The following FRMD4A variants were observed in gnomAD, a reference collection of about 807,000 sequenced individuals.
FRMD4A encodes FERM domain-containing protein 4A.
FRMD4A carries 29 observed loss-of-function variants against 129.1 expected under a neutral mutation model. The ratio of observed to expected loss-of-function variants is 0.22; its 90% CI spans 0.17 to 0.31. The LOEUF (loss-of-function observed/expected upper bound fraction) is 0.31. Among genes scored for constraint, FRMD4A ranks in the 10% least tolerant of loss-of-function variants. The pLI is 1.00. For synonymous variants in FRMD4A, 634 were observed against 571.6 expected, an observed-to-expected ratio of 1.11 and a Z score of -1.56; for missense variants, 1,272 against 1,375.8, an observed-to-expected ratio of 0.92 and a Z score of 1.19.
intron 2 of FRMD4A, among the ~76,000 whole-genome samples, chr10:14,322,169 G>C (rs1843085117): frequency 6.6e-6 from 1 of 152,162 alleles, no homozygotes; most frequent in Admixed American, 6.5e-5. Flanking sequence ...GTATGAGAGA[G>C]TAGAGGCCTG....
intron 14 of FRMD4A, among the ~76,000 whole-genome samples, chr10:13,699,702 C>T (rs2086619169): frequency 6.6e-6 from 1 of 152,258 alleles, no homozygotes; most frequent in East Asian, 1.9e-4. Context: ...CTAACCCCCA[C>T]CATCCATCAC....
At chr10:13,984,362 T>C (rs933584077) in intron 2 of FRMD4A, among the ~76,000 whole-genome samples, 4 of 152,198 alleles carry the variant, frequency 2.6e-5, no homozygotes, top group African/African-American at 9.7e-5. Context: ...CAGTTCCAGA[T>C]ACTGACCTAT....
chr10:13,783,750 G>A (rs2092791535), intron 5 of FRMD4A, among the ~76,000 whole-genome samples: 1 of 152,182 alleles, frequency 6.6e-6, no homozygotes, highest in Non-Finnish European at 1.5e-5. Context: ...GTGGTGAAGT[G>A]TGATTTGATT....
At chr10:14,172,206 C>T (rs1448622487) in intron 2 of FRMD4A, among the ~76,000 whole-genome samples, 2 of 152,170 alleles carry the variant, frequency 1.3e-5, no homozygotes, top group African/African-American at 4.8e-5. Context: ...TAAACACATA[C>T]ACATACACAA....
intron 2 of FRMD4A, among the ~76,000 whole-genome samples, chr10:14,240,604 G>A (rs886643794): frequency 3.9e-5 from 6 of 152,146 alleles, no homozygotes; most frequent in Non-Finnish European, 7.4e-5. Context: ...AAATCCACAT[G>A]CCCATTATAA....
chr10:13,861,264 A>G (rs2094290866), intron 2 of FRMD4A, among the ~76,000 whole-genome samples: 1 of 152,256 alleles, frequency 6.6e-6, no homozygotes, highest in South Asian at 2.1e-4. Flanking sequence ...GATTAAACAA[A>G]TAACAAGAAA....
chr10:14,275,740 A>T (rs1245583577), intron 2 of FRMD4A, among the ~76,000 whole-genome samples: 1 of 152,182 alleles, frequency 6.6e-6, no homozygotes, highest in African/African-American at 2.4e-5. Flanking sequence ...TGTCTTCAAA[A>T]ATACAAAATG....
chr10:13,650,457 G>A (rs946341925), intron 24 of FRMD4A, among the ~76,000 whole-genome samples: 1 of 152,162 alleles, frequency 6.6e-6, no homozygotes, highest in African/African-American at 2.4e-5. Flanking sequence ...GGTATTTCAA[G>A]CAGTGCCTAC....
At chr10:14,043,108 A>C (rs910806560) in intron 2 of FRMD4A, among the ~76,000 whole-genome samples, 7 of 152,072 alleles carry the variant, frequency 4.6e-5, no homozygotes, top group African/African-American at 1.7e-4. Flanking sequence ...GGAGAGAGAG[A>C]AAAAATTTTT....
intron 19 of FRMD4A, among the ~76,000 whole-genome samples, chr10:13,661,959 A>G (rs902751551): frequency 6.6e-6 from 1 of 152,160 alleles, no homozygotes; most frequent in Non-Finnish European, 1.5e-5. Flanking sequence ...GTCCCCAGAA[A>G]GAGACCCTGC....
intron 2 of FRMD4A, among the ~76,000 whole-genome samples, chr10:14,268,673 TACA>T (rs1013254847): frequency 1.3e-5 from 2 of 152,244 alleles, no homozygotes; most frequent in East Asian, 1.9e-4. Flanking sequence ...TGATGAAATC[TACA>T]ACATGTCCCT....
chr10:14,070,389 T>C (rs1345499867), intron 2 of FRMD4A, among the ~76,000 whole-genome samples: 1 of 152,214 alleles, frequency 6.6e-6, no homozygotes, highest in African/African-American at 2.4e-5. Context: ...GCATCCTTCA[T>C]CTTCATTTGT....
chr10:13,842,155 C>T (rs1017802275), intron 3 of FRMD4A, among the ~76,000 whole-genome samples: 1 of 152,096 alleles, frequency 6.6e-6, no homozygotes, highest in Non-Finnish European at 1.5e-5. Context: ...GGTCAACAAA[C>T]CCCCAAGGTT....
At chr10:13,992,647 T>C (rs1436780019) in intron 2 of FRMD4A, among the ~76,000 whole-genome samples, 1 of 152,202 alleles carries the variant, frequency 6.6e-6, no homozygotes, top group Non-Finnish European at 1.5e-5. Context: ...TATTTGATTA[T>C]TTAATTTAAT....
chr10:13,920,247 C>T (rs2095056460), intron 2 of FRMD4A, among the ~76,000 whole-genome samples: 2 of 152,122 alleles, frequency 1.3e-5, no homozygotes, highest in Non-Finnish European at 2.9e-5. Context: ...GGCATGTAGG[C>T]ATTTTTTTTG....
At chr10:13,848,112 C>A (rs2094080394) in intron 3 of FRMD4A, among the ~76,000 whole-genome samples, 1 of 152,184 alleles carries the variant, frequency 6.6e-6, no homozygotes, top group Non-Finnish European at 1.5e-5. Context: ...TCTTATCCCC[C>A]ATTAGCAGAA....
At chr10:14,169,301 G>A (rs1841354628) in intron 2 of FRMD4A, among the ~76,000 whole-genome samples, 1 of 151,960 alleles carries the variant, frequency 6.6e-6, no homozygotes, top group Non-Finnish European at 1.5e-5. Flanking sequence ...ATGCCTCCTG[G>A]TTCCTACTTT....
intron 2 of FRMD4A, chr10:14,327,100 G>A (rs911092286): frequency 1.8e-5 from 7 of 396,848 alleles, no homozygotes; most frequent in Admixed American, 4.4e-5. Flanking sequence ...CCAGCTGACC[G>A]CAACCCAGCC....
At chr10:14,148,494 T>C (rs553693111) in intron 2 of FRMD4A, among the ~76,000 whole-genome samples, 2 of 152,342 alleles carry the variant, frequency 1.3e-5, no homozygotes, top group East Asian at 3.9e-4. Flanking sequence ...CCGGGTGCGC[T>C]GGCTCACGCC....
Sources: gnomAD v4.1 joint callset for allele counts (sites outside exome capture counted in the v4.1 genomes callset) on GRCh38, gnomAD v4.1.1 for gene constraint, MANE v1.5 for transcripts, NCBI Gene and HGNC (gene_info 2026-07-23, HGNC 2026-07-21) for gene names.